The following ZBTB3 variants were observed in gnomAD, a reference collection of about 807,000 sequenced individuals.
ZBTB3 encodes zinc finger and BTB domain containing 3.
ZBTB3 carries 15 observed loss-of-function variants against 30.6 expected under a neutral mutation model. That is an observed-to-expected ratio of 0.49 (90% confidence interval 0.33 to 0.75). The LOEUF (loss-of-function observed/expected upper bound fraction) is 0.75, where lower values mean the gene tolerates loss of function less well. Among genes scored for constraint, ZBTB3 ranks in the 30% least tolerant of loss-of-function variants. ZBTB3 has a pLI of 0.02. For missense variants in ZBTB3, 599 were observed against 652.1 expected (o/e 0.92, Z 0.89); for synonymous variants, 258 against 261.7 (o/e 0.99, Z 0.14).
At chr11:62,753,942 C>T (rs748530624) in intron 1 of ZBTB3, 22 bp downstream of exon 1, 4 of 1,613,542 alleles carry the variant, frequency 2.5e-6, no homozygotes, top group African/African-American at 1.3e-5. Context: ...CCTTAGCCAC[C>T]CTCCGCTTCC....
rs150997515 is a variant in ZBTB3 at position 62,753,612 on chromosome 11, C to T, written c.53G>A (p.Arg18Gln). 6.0e-5 allele frequency: 97 copies of T among 1,613,696 alleles called. No individual in the cohort carries two copies. Among genetic ancestry groups the T allele is most frequent in the Non-Finnish European group, 7.8e-5 (92 of 1,179,940 alleles). Residue 18 changes from arginine (R) to glutamine (Q), a missense_variant, in exon 2 of 2, where the codon CGG (arginine) becomes CAG (glutamine). Transcript: ENST00000394807. The part of the protein sequence containing the change: ...QQLLQSLREQ[R>Q]SQGFLCDCTV... ...GCAGTCACAAAGGAAACCCTGGGAC[C>T]GCTGCTCCCGGAGGCTCTGCAGCAG...
rs1310289796 is a variant in ZBTB3 at position 62,751,776 on chromosome 11, T to TA, written c.*313_*314insT. On this transcript the variant is annotated 3_prime_UTR_variant, in exon 2 of 2. Coordinates refer to ENST00000394807, the MANE Select transcript of ZBTB3 (RefSeq NM_001370809.1). ...GGTGAAACCCTGTCTCTACTAAAAA[T>TA]CAAAAAAAATTAGCCAGGCATGGTG... 8 of 187,202 alleles carry TA rather than the reference T, an allele frequency of 4.3e-5. No homozygotes were observed. Among genetic ancestry groups the TA allele is most frequent in the Non-Finnish European group, 8.8e-5 (8 of 90,626 alleles). The allele number at this position is 187,202 out of a possible 1,614,324, so 11.6% of individuals were successfully genotyped here.
At position 62,753,055 on chromosome 11, in the gene ZBTB3, C is replaced by CGTCAACCTCCATGCCAGGCTGTGTAGT; in HGVS notation, c.583_609dup (p.Thr195_Asp203dup). 6.2e-7 allele frequency: 1 copy of CGTCAACCTCCATGCCAGGCTGTGTAGT among 1,614,184 alleles called. No individual in the cohort carries two copies. Among genetic ancestry groups the CGTCAACCTCCATGCCAGGCTGTGTAGT allele is most frequent in the Non-Finnish European group, 8.5e-7 (1 of 1,180,046 alleles). The stretch of plus-strand genomic sequence containing the variant: ...GGATGAGGTGCCCGCAGATGTGGTG[C>CGTCAACCTCCATGCCAGGCTGTGTAGT]GTCAACCTCCATGCCAGGCTGTGTA... On this transcript the variant is annotated inframe_insertion, in exon 2 of 2. Coordinates refer to ENST00000394807, the MANE Select transcript of ZBTB3 (RefSeq NM_001370809.1).
At position 62,752,116 on chromosome 11, in the gene ZBTB3, C is replaced by A. The variant is rs1316706375; in HGVS notation, c.1549G>T (p.Val517Leu). Residue 517 changes from valine (V) to leucine (L), a missense_variant, in exon 2 of 2, where the codon GTA becomes TTA. Physicochemically the swap from Val to Leu is conservative, Grantham distance 32. Coordinates refer to ENST00000394807, the MANE Select transcript of ZBTB3 (RefSeq NM_001370809.1). Reference protein sequence around the residue: ...SSGGGPPKDFVLAPKTNI With the variant: ...SSGGGPPKDFLLAPKTNI ...TAGATGTTAGTTTTTGGGGCCAATA[C>A]AAAATCTTTAGGTGGCCCTCCACCA... 3 of 1,612,010 alleles carry A rather than the reference C, an allele frequency of 1.9e-6. No homozygotes were observed. The highest frequency in any genetic ancestry group is 1.1e-5 in the South Asian group (1 of 90,976).
Sources: gnomAD v4.1 joint callset for allele counts on GRCh38, gnomAD v4.1.1 for gene constraint, MANE v1.5 for transcripts, NCBI Gene and HGNC (gene_info 2026-07-23, HGNC 2026-07-21) for gene names.